LOC400499: variants seen among roughly 807,000 people sequenced by gnomAD.
chr16:11,479,879 AT>A, the LOC400499 span, among the ~76,000 whole-genome samples: 2 of 152,082 alleles, frequency 1.3e-5, no homozygotes, highest in Admixed American at 1.3e-4. Context: ...TCGTTGCTGT[AT>A]CCCCCTGGTC....
chr16:11,378,278 G>A, the LOC400499 span, among the ~76,000 whole-genome samples: 1 of 149,070 alleles, frequency 6.7e-6, no homozygotes, highest in South Asian at 2.1e-4. Context: ...CCGGGGGGAG[G>A]GGGGAGGTGG....
chr16:11,420,217 G>A, the LOC400499 span, among the ~76,000 whole-genome samples: 1 of 151,546 alleles, frequency 6.6e-6, no homozygotes, highest in Non-Finnish European at 1.5e-5. Context: ...ATCATAGAAT[G>A]GATTAAGAAA....
chr16:11,431,334 G>T, the LOC400499 span: 13 of 398,238 alleles, frequency 3.3e-5, no homozygotes, highest in African/African-American at 1.8e-4. Flanking sequence ...CTGGGACAAG[G>T]ACATAACCTC....
chr16:11,375,451 C>G, the LOC400499 span, among the ~76,000 whole-genome samples: 1 of 138,884 alleles, frequency 7.2e-6, no homozygotes, highest in Non-Finnish European at 1.5e-5. Flanking sequence ...GCAGCTGGGA[C>G]TACAGGCATA....
chr16:11,419,690 G>A, the LOC400499 span, among the ~76,000 whole-genome samples: 9 of 152,184 alleles, frequency 5.9e-5, no homozygotes, highest in South Asian at 4.1e-4. Flanking sequence ...GAAAATTTTC[G>A]CAACCTACTC....
the LOC400499 span, among the ~76,000 whole-genome samples, chr16:11,458,203 G>T: frequency 3.3e-5 from 5 of 152,170 alleles, no homozygotes; most frequent in Non-Finnish European, 7.4e-5. Context: ...AAAATTAGCC[G>T]GGCGTGGTCG....
chr16:11,387,574 G>A, the LOC400499 span, among the ~76,000 whole-genome samples: 8 of 152,140 alleles, frequency 5.3e-5, no homozygotes, highest in Non-Finnish European at 8.8e-5. Flanking sequence ...TCTGCTCCCC[G>A]GGTCTTGGGC....
chr16:11,391,476 A>T, the LOC400499 span, among the ~76,000 whole-genome samples: 11,040 of 152,264 alleles, frequency 0.073, 519 homozygotes, highest in Non-Finnish European at 0.11. Flanking sequence ...GACCCAGAAA[A>T]AACAAAGGCT....
the LOC400499 span, among the ~76,000 whole-genome samples, chr16:11,422,613 C>T: frequency 6.6e-6 from 1 of 152,136 alleles, no homozygotes; most frequent in East Asian, 1.9e-4. Context: ...CCATATAGGT[C>T]AAAAATGTTG....
chr16:11,409,427 A>G, the LOC400499 span, among the ~76,000 whole-genome samples: 1 of 152,208 alleles, frequency 6.6e-6, no homozygotes, highest in Non-Finnish European at 1.5e-5. Context: ...CTATTCACTT[A>G]CATATCGTCT....
At chr16:11,397,146 T>C in the LOC400499 span, among the ~76,000 whole-genome samples, 1 of 152,110 alleles carries the variant, frequency 6.6e-6, no homozygotes, top group African/African-American at 2.4e-5. Flanking sequence ...GTCTTTCACA[T>C]CCACTCCCTG....
At chr16:11,429,568 T>C in the LOC400499 span, among the ~76,000 whole-genome samples, 2 of 151,408 alleles carry the variant, frequency 1.3e-5, no homozygotes, top group African/African-American at 2.5e-5. Context: ...CTGCCTCCCA[T>C]GTTCGAGTGA....
At chr16:11,514,635 A>G in the LOC400499 span, 1 of 398,874 alleles carries the variant, frequency 2.5e-6, no homozygotes, top group East Asian at 3.6e-5. Context: ...GGGACACATC[A>G]GAGCTGTAGA....
chr16:11,435,594 C>T, the LOC400499 span: 1 of 398,918 alleles, frequency 2.5e-6, no homozygotes, highest in Non-Finnish European at 4.4e-6. Context: ...TCTCCCATAT[C>T]CCAGGACACC....
chr16:11,507,404 A>G, the LOC400499 span, among the ~76,000 whole-genome samples: 1 of 152,168 alleles, frequency 6.6e-6, no homozygotes, highest in Non-Finnish European at 1.5e-5. Context: ...CTCGGTGTCC[A>G]CAGCACCCAG....
chr16:11,399,857 T>C, the LOC400499 span: 1 of 398,450 alleles, frequency 2.5e-6, no homozygotes, highest in Non-Finnish European at 4.4e-6. Flanking sequence ...AAGGGGGACA[T>C]GTAGGGGAGA....
At chr16:11,407,469 C>T in the LOC400499 span, 1 of 395,522 alleles carries the variant, frequency 2.5e-6, no homozygotes, top group Non-Finnish European at 4.5e-6. Flanking sequence ...CCAAGAGACC[C>T]ACAACTCCCT....
At chr16:11,461,210 G>T in the LOC400499 span, 1 of 1,436,760 alleles carries the variant, frequency 7.0e-7, no homozygotes, top group South Asian at 1.4e-5. Flanking sequence ...AGGTATCACC[G>T]AGGGGCCTTG....
chr16:11,526,171 C>T, the LOC400499 span, among the ~76,000 whole-genome samples: 82 of 152,278 alleles, frequency 5.4e-4, 1 homozygote, highest in African/African-American at 1.8e-3. Context: ...CAATCTGGCC[C>T]GCGCTCTCCA....
Sources: gnomAD v4.1 joint callset for allele counts (sites outside exome capture counted in the v4.1 genomes callset) on GRCh38, gnomAD v4.1.1 for gene constraint, MANE v1.5 for transcripts.